Variants in PCDH15 observed in about 807,000 individuals in gnomAD.
PCDH15 encodes protocadherin related 15.
A neutral mutation model predicts 178.5 loss-of-function variants in PCDH15; 129 were observed. The observed-to-expected ratio is 0.72, with a 90% CI of 0.63 to 0.84. The LOEUF is 0.84. Among genes scored for constraint, PCDH15 ranks in the 40% least tolerant of loss-of-function variants. The pLI is 0.00. For synonymous variants in PCDH15, 800 were observed against 732.0 expected (o/e 1.09, Z -1.50); for missense variants, 2,230 against 2,099.9 (o/e 1.06, Z -1.21).
At chr10:54,380,702 C>A (rs1344292408) in intron 3 of PCDH15, among the ~76,000 whole-genome samples, 1 of 27,370 alleles carries the variant, frequency 3.7e-5, no homozygotes, top group Non-Finnish European at 7.3e-5. Flanking sequence ...TATATATATG[C>A]TCCATATATA....
chr10:53,828,229 A>G (rs200834983), intron 31 of PCDH15, among the ~76,000 whole-genome samples: 5,903 of 148,098 alleles, frequency 0.04, 259 homozygotes, highest in East Asian at 0.14. Context: ...AAAAAAAAAA[A>G]AAAAAAAAAA....
At position 53,804,691 on chromosome 10, in the gene PCDH15, C is replaced by CTGAT. The variant is rs1379727074; in HGVS notation, c.*1884_*1887dup. Reference sequence around the variant, plus strand: ...AATATTAAATTATATTCGATGACCTCTGATTGAATTAGTAGGGAAATATAT... The same window carrying CTGAT: ...AATATTAAATTATATTCGATGACCTCTGATTGATTGAATTAGTAGGGAAATATAT... On this transcript the variant is annotated 3_prime_UTR_variant, in exon 38 of 38. Transcript: ENST00000644397. The CTGAT allele has an allele frequency of 2.0e-5, 3 of 151,970 alleles. No homozygotes were observed. The highest frequency in any genetic ancestry group is 2.9e-5 in the Non-Finnish European group (2 of 67,922). The allele number at this position is 151,970 out of a possible 1,614,324, so 9.4% of individuals were successfully genotyped here. A position where few individuals can be genotyped will look rare whatever the true frequency, so the allele number is the denominator to read the frequency against.
chr10:54,003,417 A>G (rs546671957), intron 20 of PCDH15, among the ~76,000 whole-genome samples: 1 of 152,196 alleles, frequency 6.6e-6, no homozygotes, highest in Admixed American at 6.5e-5. Context: ...TCAGATATGA[A>G]AAAGAAAACA....
intron 2 of PCDH15, among the ~76,000 whole-genome samples, chr10:55,017,536 A>AT (rs1214155265): frequency 6.6e-6 from 1 of 152,158 alleles, no homozygotes; most frequent in Non-Finnish European, 1.5e-5. Context: ...ATAAAAATAC[A>AT]TTTTGTTGCC....
chr10:55,177,321 A>G (rs1227996429), intron 1 of PCDH15, among the ~76,000 whole-genome samples: 1 of 152,212 alleles, frequency 6.6e-6, no homozygotes, highest in East Asian at 1.9e-4. Context: ...AGAGGCTAAA[A>G]GGGTCTTTGA....
intron 2 of PCDH15, among the ~76,000 whole-genome samples, chr10:55,467,286 A>G (rs996672764): frequency 1.3e-5 from 2 of 151,792 alleles, no homozygotes; most frequent in Non-Finnish European, 2.9e-5. Context: ...TGGCAGCAAG[A>G]TTGGAGCAGA....
intron 3 of PCDH15, among the ~76,000 whole-genome samples, chr10:54,831,221 G>A (rs764928401): frequency 6.6e-6 from 1 of 151,918 alleles, no homozygotes; most frequent in Non-Finnish European, 1.5e-5. Flanking sequence ...AAAAAATTAG[G>A]TTTAGCATTT....
chr10:54,528,274 G>A lies in PCDH15; in HGVS notation c.92-397C>T, dbSNP rs2083554576. The A allele has an allele frequency of 3.1e-6, 3 of 979,286 alleles. No homozygotes were observed. The East Asian group carries it at 7.9e-5, about 26-fold the overall frequency. 60.7% of individuals were successfully genotyped at this position (979,286 alleles called of 1,614,324 possible). On this transcript the variant is annotated intron_variant, in intron 2 of 37. Transcript: ENST00000644397. ...ATAATTGGACTTTAATTGTGATAAA[G>A]GGTCTAATTAGAGAGAGTGAATAGA...
chr10:53,977,290 T>G (rs2090259457), intron 21 of PCDH15, among the ~76,000 whole-genome samples: 1 of 151,802 alleles, frequency 6.6e-6, no homozygotes, highest in East Asian at 1.9e-4. Flanking sequence ...GCCACACATA[T>G]AATACACTAA....
At chr10:53,946,046 T>C in intron 23 of PCDH15, among the ~76,000 whole-genome samples, 1 of 151,736 alleles carries the variant, frequency 6.6e-6, no homozygotes, top group Non-Finnish European at 1.5e-5. Context: ...AAAGAAGACA[T>C]ACAAATGACC....
At chr10:54,217,629 T>C (rs549384004) in intron 9 of PCDH15, among the ~76,000 whole-genome samples, 133 of 152,292 alleles carry the variant, frequency 8.7e-4, no homozygotes, top group Non-Finnish European at 1.7e-3. Context: ...CAGGTTGTAG[T>C]TTATCTTAAG....
chr10:54,426,873 T>G (rs1444337075), intron 3 of PCDH15, among the ~76,000 whole-genome samples: 4 of 151,922 alleles, frequency 2.6e-5, no homozygotes, highest in African/African-American at 9.7e-5. Flanking sequence ...AGTAAGCAAT[T>G]ATGGATTATT....
intron 1 of PCDH15, among the ~76,000 whole-genome samples, chr10:55,211,770 TATA>T (rs898669423): frequency 1.3e-5 from 2 of 152,122 alleles, no homozygotes; most frequent in African/African-American, 4.8e-5. Flanking sequence ...AGAAAGTTAC[TATA>T]ATGAGTTAAC....
intron 1 of PCDH15, among the ~76,000 whole-genome samples, chr10:55,314,364 A>T (rs1843668626): frequency 6.6e-6 from 1 of 151,888 alleles, no homozygotes. Flanking sequence ...AGGACATTTA[A>T]CTGCTGAAGA....
At chr10:54,788,129 C>T (rs1052232674) in intron 1 of PCDH15, among the ~76,000 whole-genome samples, 1 of 151,690 alleles carries the variant, frequency 6.6e-6, no homozygotes, top group African/African-American at 2.4e-5. Flanking sequence ...GACTCTAAAG[C>T]TATTAAGGGG....
intron 29 of PCDH15, among the ~76,000 whole-genome samples, chr10:53,838,995 G>A (rs1289635639): frequency 1.3e-5 from 2 of 152,034 alleles, no homozygotes; most frequent in African/African-American, 4.8e-5. Flanking sequence ...ACCAGGTAAG[G>A]AGATCGAGAC....
intron 3 of PCDH15, among the ~76,000 whole-genome samples, chr10:54,824,659 A>G (rs1205775007): frequency 6.6e-6 from 1 of 152,150 alleles, no homozygotes; most frequent in Non-Finnish European, 1.5e-5. Flanking sequence ...TAAAAATGAC[A>G]GAGCATTCCC....
chr10:55,405,386 C>A (rs1407498599), intron 2 of PCDH15, among the ~76,000 whole-genome samples: 2 of 148,616 alleles, frequency 1.3e-5, no homozygotes, highest in Admixed American at 1.4e-4. Flanking sequence ...TGAAAGACTT[C>A]TTTGGCTTTA....
chr10:54,497,852 G>C (rs1211333725), intron 3 of PCDH15, among the ~76,000 whole-genome samples: 1 of 152,084 alleles, frequency 6.6e-6, no homozygotes, highest in Non-Finnish European at 1.5e-5. Context: ...GAAAGAGTTG[G>C]AGGGAGAGCA....
Sources: allele counts gnomAD v4.1 joint callset (sites outside exome capture counted in the v4.1 genomes callset), GRCh38; gene constraint gnomAD v4.1.1; transcripts MANE v1.5; gene names NCBI Gene and HGNC (gene_info 2026-07-23, HGNC 2026-07-21).